The following DOCK1 variants were observed in gnomAD, a reference collection of about 807,000 sequenced individuals.
DOCK1 encodes dedicator of cytokinesis protein 1.
Under a neutral mutation model 262.7 loss-of-function variants are expected in DOCK1, and 138 were observed. The ratio of observed to expected loss-of-function variants is 0.53; its 90% CI spans 0.46 to 0.61. The LOEUF (loss-of-function observed/expected upper bound fraction) is 0.61, where lower values mean the gene tolerates loss of function less well. Among genes scored for constraint, DOCK1 ranks in the 20% least tolerant of loss-of-function variants. The pLI is 0.00. For missense variants in DOCK1, 1,908 were observed against 2,370.7 expected (o/e 0.80, Z 4.05); for synonymous variants, 866 against 867.4 (o/e 1.00, Z 0.03).
chr10:127,253,874 CAAAA>C (rs575042004), intron 28 of DOCK1, among the ~76,000 whole-genome samples: 6 of 101,468 alleles, frequency 5.9e-5, no homozygotes, highest in East Asian at 2.9e-4. Context: ...GACCCTGTCT[CAAAA>C]AAAAAAAAAA....
chr10:127,285,371 G>A (rs1326359062), intron 29 of DOCK1, among the ~76,000 whole-genome samples: 3 of 152,168 alleles, frequency 2.0e-5, no homozygotes, highest in African/African-American at 4.8e-5. Flanking sequence ...TGTTCCTTTT[G>A]TGCGAAGGAA....
chr10:126,915,658 A>G (rs182062312), intron 1 of DOCK1, among the ~76,000 whole-genome samples: 1,902 of 152,260 alleles, frequency 0.012, 28 homozygotes, highest in Non-Finnish European at 0.015. Context: ...TCACTGTGTT[A>G]GCCAGGATGG....
intron 29 of DOCK1, among the ~76,000 whole-genome samples, chr10:127,276,956 A>G (rs1421117250): frequency 6.6e-6 from 1 of 152,100 alleles, no homozygotes; most frequent in African/African-American, 2.4e-5. Flanking sequence ...AGCTGGAAAA[A>G]CTAATAGACT....
At chr10:127,391,899 A>G (rs1473248081) in intron 38 of DOCK1, among the ~76,000 whole-genome samples, 1 of 151,900 alleles carries the variant, frequency 6.6e-6, no homozygotes, top group Non-Finnish European at 1.5e-5. Flanking sequence ...TCACAGCGTG[A>G]ACTGCTTCAA....
At chr10:127,267,800 G>T (rs545545828) in intron 29 of DOCK1, among the ~76,000 whole-genome samples, 1 of 152,188 alleles carries the variant, frequency 6.6e-6, no homozygotes, top group Admixed American at 6.5e-5. Flanking sequence ...TCCTCCTCCC[G>T]GTCCTCTCAT....
At chr10:126,925,718 C>T (rs1317339701) in intron 1 of DOCK1, among the ~76,000 whole-genome samples, 2 of 138,570 alleles carry the variant, frequency 1.4e-5, no homozygotes, top group Non-Finnish European at 3.1e-5. Flanking sequence ...ACACACATTG[C>T]AGAGTCTGTG....
chr10:127,351,308 G>A (rs1383164373), intron 31 of DOCK1, among the ~76,000 whole-genome samples: 2 of 152,156 alleles, frequency 1.3e-5, no homozygotes, highest in Non-Finnish European at 2.9e-5. Flanking sequence ...AGGCCATCCT[G>A]GCTCGGTGGA....
In DOCK1 at chr10:127,175,105, C is replaced by A; in HGVS notation, c.2847+47341C>A. The A allele has an allele frequency of 1.0e-6, 1 of 990,204 alleles. No homozygotes were observed. The highest frequency in any genetic ancestry group is 1.5e-6 in the Non-Finnish European group (1 of 652,182). 61.3% of individuals were successfully genotyped at this position (990,204 alleles called of 1,614,324 possible). On this transcript the variant is annotated intron_variant, in intron 27 of 51. Coordinates refer to ENST00000623213, the MANE Select transcript of DOCK1 (RefSeq NM_001290223.2). This position sits in a 1 kb window ranked among gnomAD's most constrained non-coding sequence, Gnocchi z 6.3. The stretch of plus-strand genomic sequence containing the variant: ...ACGCCCTTAGACTATGACCTGTTTA[C>A]GGAAATGCTGGCTTTAGTCTCATTA...
intron 16 of DOCK1, among the ~76,000 whole-genome samples, chr10:127,030,206 A>T (rs2043143511): frequency 1.3e-5 from 2 of 152,114 alleles, no homozygotes; most frequent in Non-Finnish European, 2.9e-5. Flanking sequence ...CTGTCCTTTC[A>T]TCTATAAAGA....
chr10:127,388,583 C>G (rs192326741), intron 38 of DOCK1, among the ~76,000 whole-genome samples: 1 of 152,204 alleles, frequency 6.6e-6, no homozygotes, highest in Non-Finnish European at 1.5e-5. Context: ...TGAACCTCTC[C>G]GAATCTCCAT....
intron 35 of DOCK1, among the ~76,000 whole-genome samples, chr10:127,377,947 A>C (rs2065606604): frequency 6.6e-6 from 1 of 151,720 alleles, no homozygotes; most frequent in Admixed American, 6.6e-5. Context: ...CGCAGCAGTC[A>C]CTCTGCTTGG....
chr10:127,028,187 G>A (rs1053222580), intron 16 of DOCK1, among the ~76,000 whole-genome samples: 2 of 152,184 alleles, frequency 1.3e-5, no homozygotes, highest in African/African-American at 2.4e-5. Context: ...TCTAACGGGA[G>A]AAGCAGGGGC....
At chr10:126,929,423 CAGTT>C (rs1413072006) in intron 1 of DOCK1, among the ~76,000 whole-genome samples, 2 of 152,196 alleles carry the variant, frequency 1.3e-5, no homozygotes, top group South Asian at 2.1e-4. Context: ...CACAGGGTGA[CAGTT>C]AGGAGCTTCA....
chr10:127,151,542 C>T (rs746032789), intron 27 of DOCK1, among the ~76,000 whole-genome samples: 37 of 152,262 alleles, frequency 2.4e-4, no homozygotes, highest in Non-Finnish European at 5.0e-4. Flanking sequence ...TCTAGAATGC[C>T]TCTCCCATTT....
intron 33 of DOCK1, among the ~76,000 whole-genome samples, chr10:127,362,651 A>G (rs1184710813): frequency 6.6e-6 from 1 of 152,174 alleles, no homozygotes; most frequent in African/African-American, 2.4e-5. Context: ...TGCCTGTGCA[A>G]TGGAACTGAT....
At chr10:127,052,525 C>CA (rs71490107) in intron 21 of DOCK1, among the ~76,000 whole-genome samples, 156 bp from the exon 22 acceptor site, 130 of 138,856 alleles carry the variant, frequency 9.4e-4, no homozygotes, top group African/African-American at 2.1e-3. Flanking sequence ...CTGTCTCAAA[C>CA]AAAAAAAAAA....
chr10:126,950,086 G>A (rs1313494152), intron 1 of DOCK1, among the ~76,000 whole-genome samples: 2 of 151,920 alleles, frequency 1.3e-5, no homozygotes, highest in African/African-American at 2.4e-5. Context: ...AAATGGGAAT[G>A]AGTAGTAATC....
intron 23 of DOCK1, among the ~76,000 whole-genome samples, chr10:127,069,085 T>C (rs990203271): frequency 6.6e-6 from 1 of 152,242 alleles, no homozygotes; most frequent in African/African-American, 2.4e-5. Flanking sequence ...ATGAAAGTCA[T>C]GATCAAGGCG....
intron 27 of DOCK1, among the ~76,000 whole-genome samples, chr10:127,203,476 G>C (rs2057564987): frequency 6.6e-6 from 1 of 152,124 alleles, no homozygotes; most frequent in South Asian, 2.1e-4. Context: ...TCGCAGCGTG[G>C]CTCATGGGTG....
Sources: gnomAD v4.1 joint callset for allele counts (sites outside exome capture counted in the v4.1 genomes callset) on GRCh38, gnomAD v4.1.1 for gene constraint, Gnocchi (gnomAD v3.1) non-coding constraint, MANE v1.5 for transcripts, NCBI Gene and HGNC (gene_info 2026-07-23, HGNC 2026-07-21) for gene names.